Variants in MYEF2 observed in about 807,000 individuals in gnomAD.
MYEF2 encodes the protein myelin gene expression factor 2.
MYEF2 carries 37 observed loss-of-function variants against 75.2 expected under a neutral mutation model. The observed-to-expected ratio is 0.49, with a 90% confidence interval of 0.38 to 0.65. MYEF2 has a LOEUF of 0.65. Ranked by LOEUF, MYEF2 falls within the 30% of genes least tolerant of loss-of-function variation. The pLI, the probability that MYEF2 is intolerant of heterozygous loss-of-function variation, is 0.00. For synonymous variants in MYEF2, 195 were observed against 241.6 expected (o/e 0.81, Z 1.79); for missense variants, 634 against 771.4 (o/e 0.82, Z 2.11).
At chr15:48,161,000 AG>A (rs1245489787) in intron 5 of MYEF2, among the ~76,000 whole-genome samples, 10 of 152,116 alleles carry the variant, frequency 6.6e-5, no homozygotes, top group Non-Finnish European at 1.2e-4. Context: ...CCTATGGGGA[AG>A]AAAGATAACT....
chr15:48,152,475 G>A (rs2039529048), intron 10 of MYEF2, 191 bp from the exon 11 acceptor site: 2 of 467,408 alleles, frequency 4.3e-6, no homozygotes, highest in Non-Finnish European at 3.8e-6. Flanking sequence ...TCTTCAAAAG[G>A]GTTTCTTTGA....
intron 6 of MYEF2, 89 bp from the exon 7 acceptor site, chr15:48,159,011 C>A: frequency 2.8e-6 from 3 of 1,069,548 alleles, no homozygotes; most frequent in Non-Finnish European, 4.0e-6. Flanking sequence ...CTCTTAAAAC[C>A]ATAAAGAACC....
Position 48,136,882 on chromosome 15 carries a change from A to G in MYEF2, c.*6026T>C. The stretch of plus-strand genomic sequence containing the variant: ...ACCATTCATTCGTCGGCAATCAAGA[A>G]CTGATAGTGGAATATTTTATGAAGA... On this transcript the variant is annotated 3_prime_UTR_variant, in exon 17 of 17. Transcript: ENST00000324324. 2 of 1,613,882 alleles carry G rather than the reference A, an allele frequency of 1.2e-6. No individual in the cohort carries two copies. The highest frequency in any genetic ancestry group is 1.7e-6 in the Non-Finnish European group (2 of 1,179,820).
intron 1 of MYEF2, among the ~76,000 whole-genome samples, chr15:48,175,358 TATAAG>T (rs1169247697): frequency 6.6e-6 from 1 of 152,134 alleles, no homozygotes; most frequent in Non-Finnish European, 1.5e-5. Flanking sequence ...AACTTTCAGT[TATAAG>T]ATGAGTAAGT....
rs933137716 is a variant in MYEF2 at position 48,137,030 on chromosome 15, A to G, written c.*5878T>C. The G allele has an allele frequency of 1.1e-5, 17 of 1,484,324 alleles. No homozygotes were observed. In the African/African-American group the frequency reaches 2.2e-4, roughly 20 times the overall value. 91.9% of individuals were successfully genotyped at this position (1,484,324 alleles called of 1,614,324 possible). A position where few individuals can be genotyped will look rare whatever the true frequency, so the allele number is the denominator to read the frequency against. On this transcript the variant is annotated 3_prime_UTR_variant, in exon 17 of 17. Coordinates refer to ENST00000324324, the MANE Select transcript of MYEF2 (RefSeq NM_016132.5). The stretch of plus-strand genomic sequence containing the variant: ...GGAAAAACTTTAAAATTTCATTTCA[A>G]TTCAGCAAGTATTGTGTGCTTTTTA...
In MYEF2 at chr15:48,158,014, C is replaced by A; in HGVS notation, c.964G>T (p.Gly322Cys). 2 of 1,613,066 alleles carry A rather than the reference C, an allele frequency of 1.2e-6. No homozygotes were observed. Among genetic ancestry groups the A allele is most frequent in the Non-Finnish European group, 1.7e-6 (2 of 1,179,410 alleles). The change falls in exon 9 of 17, where the codon GGT becomes TGT. Residue 322 changes from glycine to cysteine, a missense_variant. Transcript: ENST00000324324. ...TTACGTGGTAATTGTGGTGTTTTAC[C>A]ATCATGTGAACGGTACTCTTCATGA... ...VPHEEYRSHD[G>C]KTPQLPRGLG...
chr15:48,145,119 CAAG>C (rs1567239239), intron 16 of MYEF2, among the ~76,000 whole-genome samples: 2 of 151,884 alleles, frequency 1.3e-5, no homozygotes, highest in South Asian at 4.2e-4. Context: ...TTCTAGTTGA[CAAG>C]TTCCCTCAGC....
chr15:48,146,205 C>T (rs1411942194), intron 16 of MYEF2, among the ~76,000 whole-genome samples: 1 of 151,814 alleles, frequency 6.6e-6, no homozygotes, highest in Non-Finnish European at 1.5e-5. Context: ...CCCATTTGAC[C>T]CTATTAGCAC....
chr15:48,148,285 T>A (rs1213474624), intron 16 of MYEF2, among the ~76,000 whole-genome samples: 3 of 152,088 alleles, frequency 2.0e-5, no homozygotes, highest in African/African-American at 7.2e-5. Context: ...TCTCTCATTA[T>A]TGCAAAAGAA....
rs777308259 is a variant in MYEF2, at chr15:48,136,989, TA to T, written c.*5918del. On this transcript the variant is annotated 3_prime_UTR_variant, in exon 17 of 17. Transcript: ENST00000324324. Reference sequence around the variant, plus strand: ...GTAATCACTAAATCTTGCCCATTATTAAGTCTATTCGCAAAGGAAAAACTTT... The same window carrying T: ...GTAATCACTAAATCTTGCCCATTATTAGTCTATTCGCAAAGGAAAAACTTT... 5 of 1,582,050 alleles carry T rather than the reference TA, an allele frequency of 3.2e-6. No homozygotes were observed. The highest frequency in any genetic ancestry group is 3.4e-6 in the Non-Finnish European group (4 of 1,162,336).
In MYEF2 at chr15:48,134,894, T is replaced by C; in HGVS notation, c.*8014A>G. The C allele has an allele frequency of 3.7e-6, 6 of 1,609,282 alleles. No homozygotes were observed. Among genetic ancestry groups the C allele is most frequent in the African/African-American group, 1.3e-5 (1 of 74,960 alleles). ...CTTACCATATTACAGGTCTCAACACTATCATGTTGGCCCCTATTCAGAGAC... is the reference window on the plus strand; with the variant it reads ...CTTACCATATTACAGGTCTCAACACCATCATGTTGGCCCCTATTCAGAGAC... On this transcript the variant is annotated 3_prime_UTR_variant, in exon 17 of 17. Coordinates refer to ENST00000324324, the MANE Select transcript of MYEF2 (RefSeq NM_016132.5).
Position 48,138,827 on chromosome 15 carries a change from A to C in MYEF2, c.*4081T>G, listed in dbSNP as rs781244866. The C allele has an allele frequency of 2.9e-5, 18 of 614,628 alleles. No individual in the cohort carries two copies. Among genetic ancestry groups the C allele is most frequent in the Admixed American group, 9.0e-5 (3 of 33,240 alleles). The allele number at this position is 614,628 out of a possible 1,614,324, so 38.1% of individuals were successfully genotyped here. On this transcript the variant is annotated 3_prime_UTR_variant, in exon 17 of 17. Transcript: ENST00000324324. ...TTAGTTTCTTTTCACCAGCAATATC[A>C]GTAATGAGGTACTCAAATGTTTTAA...
intron 5 of MYEF2, among the ~76,000 whole-genome samples, chr15:48,160,266 G>A (rs910707084): frequency 6.6e-6 from 1 of 152,032 alleles, no homozygotes; most frequent in Non-Finnish European, 1.5e-5. Flanking sequence ...TAGAGGATAG[G>A]ATGGCCGACT....
intron 1 of MYEF2, among the ~76,000 whole-genome samples, chr15:48,177,500 T>C (rs1041029611): frequency 6.6e-6 from 1 of 151,974 alleles, no homozygotes; most frequent in Non-Finnish European, 1.5e-5. Flanking sequence ...AATTCAAGAG[T>C]AACACAAAAC....
chr15:48,135,157 T>G lies in MYEF2; in HGVS notation c.*7751A>C, dbSNP rs1338566930. On this transcript the variant is annotated 3_prime_UTR_variant, in exon 17 of 17. Coordinates refer to ENST00000324324, the MANE Select transcript of MYEF2 (RefSeq NM_016132.5). ...CAATTGCTGATTGAGTTCTTCTCAC[T>G]AGTTTGCAATTTCTTCTTAATCACT... 2 of 509,166 alleles carry G rather than the reference T, an allele frequency of 3.9e-6. No individual in the cohort carries two copies. The highest frequency in any genetic ancestry group is 7.0e-6 in the Non-Finnish European group (2 of 283,804). The allele number at this position is 509,166 out of a possible 1,614,324, so 31.5% of individuals were successfully genotyped here.
chr15:48,175,783 C>T (rs1053037946), intron 1 of MYEF2, among the ~76,000 whole-genome samples: 2 of 152,124 alleles, frequency 1.3e-5, no homozygotes, highest in Non-Finnish European at 2.9e-5. Flanking sequence ...TAATACTGCT[C>T]TTTTCCCTCC....
At chr15:48,171,801 C>T (rs1344391172) in intron 1 of MYEF2, among the ~76,000 whole-genome samples, 2 of 152,134 alleles carry the variant, frequency 1.3e-5, no homozygotes, top group Non-Finnish European at 2.9e-5. Flanking sequence ...ATTGGTACTA[C>T]ATCCAGAATT....
chr15:48,160,944 G>C (rs571289975), intron 5 of MYEF2, among the ~76,000 whole-genome samples: 1 of 152,024 alleles, frequency 6.6e-6, no homozygotes, highest in South Asian at 2.1e-4. Context: ...CTTTAGGCCT[G>C]AGGATTCAAA....
chr15:48,139,849 C>CTCTG lies in MYEF2; in HGVS notation c.*3058_*3059insCAGA, dbSNP rs1193839152. The CTCTG allele has an allele frequency of 6.6e-6, 1 of 152,094 alleles. No individual in the cohort carries two copies. The highest frequency in any genetic ancestry group is 1.5e-5 in the Non-Finnish European group (1 of 67,952). 9.4% of individuals were successfully genotyped at this position (152,094 alleles called of 1,614,324 possible). ...ACTTACAGCAGAGGTGAACAAACTA[C>CTCTG]TGCCTGTGTGCCAACATAACCCAGC... On this transcript the variant is annotated 3_prime_UTR_variant, in exon 17 of 17. Coordinates refer to ENST00000324324, the MANE Select transcript of MYEF2 (RefSeq NM_016132.5).
Sources: gnomAD v4.1 joint callset for allele counts (sites outside exome capture counted in the v4.1 genomes callset) on GRCh38, gnomAD v4.1.1 for gene constraint, MANE v1.5 for transcripts, NCBI Gene and HGNC (gene_info 2026-07-23, HGNC 2026-07-21) for gene names.